SLC1A1: variants seen among roughly 807,000 people sequenced by gnomAD.
SLC1A1 encodes excitatory amino acid transporter 3.
Under a neutral mutation model 53.3 loss-of-function variants are expected in SLC1A1, and 43 were observed. The ratio of observed to expected loss-of-function variants is 0.81; its 90% CI spans 0.63 to 1.04. SLC1A1 has a LOEUF of 1.04. Among genes scored for constraint, SLC1A1 ranks in the 50% least tolerant of loss-of-function variants. SLC1A1 has a pLI of 0.00. For synonymous variants in SLC1A1, 307 were observed against 243.2 expected (o/e 1.26, Z -2.44); for missense variants, 748 against 664.9 (o/e 1.12, Z -1.37).
chr9:4,580,594 A>AAAT (rs1820971995), intron 10 of SLC1A1, among the ~76,000 whole-genome samples: 1 of 82,862 alleles, frequency 1.2e-5, no homozygotes, highest in African/African-American at 5.1e-5. Flanking sequence ...AAAAAAAAAA[A>AAAT]ATATATATGT....
At position 4,556,640 on chromosome 9, in the gene SLC1A1, T is replaced by G. The variant is rs1818419769; in HGVS notation, c.233-4809T>G. 6.6e-6 allele frequency among the ~76,000 whole-genome samples: 1 copy of G among 152,192 alleles called. No homozygotes were observed. The highest frequency in any genetic ancestry group is 1.5e-5 in the Non-Finnish European group (1 of 68,048). ...TTGTTTGGGACTAAGTTGGGCCTGA[T>G]CTTCGACGTCAACGCCAGTTAAGAG... On this transcript the variant is annotated intron_variant, in intron 2 of 11. Coordinates refer to ENST00000262352, the MANE Select transcript of SLC1A1 (RefSeq NM_004170.6). The surrounding 1 kb of genome is among the most constrained non-coding windows in gnomAD (Gnocchi z 4.1).
chr9:4,557,543 T>TATTGCTA (rs1818528702), intron 2 of SLC1A1, among the ~76,000 whole-genome samples: 1 of 151,904 alleles, frequency 6.6e-6, no homozygotes, highest in Admixed American at 6.6e-5. Context: ...CCTAGCAATT[T>TATTGCTA]GGGAGGCCGA....
At chr9:4,512,183 G>T (rs1488464634) in intron 1 of SLC1A1, among the ~76,000 whole-genome samples, 3 of 152,080 alleles carry the variant, frequency 2.0e-5, no homozygotes, top group Non-Finnish European at 4.4e-5. Context: ...ATCCCAGCAG[G>T]GATTTTTGTA....
In SLC1A1 at chr9:4,526,064, C is replaced by A. The variant is rs557483058; in HGVS notation, c.92-18503C>A. ...CTTTGGGAGGCCGAAGCAGGAGGGT[C>A]AGTTGAGGCCAAGAGTTTGAGACCA... On this transcript the variant is annotated intron_variant, in intron 1 of 11. Transcript: ENST00000262352. 2.0e-5 allele frequency among the ~76,000 whole-genome samples: 3 copies of A among 152,180 alleles called. No homozygotes were observed. The East Asian group carries it at 5.8e-4, about 29-fold the overall frequency.
intron 1 of SLC1A1, among the ~76,000 whole-genome samples, chr9:4,494,051 C>A (rs1820326471): frequency 3.9e-5 from 6 of 152,164 alleles, no homozygotes; most frequent in Admixed American, 3.9e-4. Context: ...CCTACATGGT[C>A]CTGAAAATAG....
chr9:4,564,418 C>G lies in SLC1A1; in HGVS notation c.400C>G (p.Pro134Ala). The G allele has an allele frequency of 6.2e-7, 1 of 1,613,640 alleles. No individual in the cohort carries two copies. The highest frequency in any genetic ancestry group is 8.5e-7 in the Non-Finnish European group (1 of 1,179,800). Reference sequence around the variant, plus strand: ...TGAAATTGCGAGGACAGGCAGCACCCCTGAAGTCAGTACGGTGGATGCCAT... The same window carrying G: ...TGAAATTGCGAGGACAGGCAGCACCGCTGAAGTCAGTACGGTGGATGCCAT... ...VGEIARTGSTPEVSTVDAMLD... is the reference protein window; with the variant it reads ...VGEIARTGSTAEVSTVDAMLD... The change falls in exon 4 of 12, where the codon CCT (proline) becomes GCT (alanine). Residue 134 changes from proline (P) to alanine (A), a missense_variant. Physicochemically the swap from Pro to Ala is conservative, Grantham distance 27. Transcript: ENST00000262352.
At chr9:4,503,568 G>A (rs774579143) in intron 1 of SLC1A1, among the ~76,000 whole-genome samples, 2 of 151,778 alleles carry the variant, frequency 1.3e-5, no homozygotes, top group Admixed American at 6.5e-5. Context: ...GCCTTGAGCA[G>A]GTGTGGTAGG....
chr9:4,544,887 T>C (rs926164312), intron 2 of SLC1A1, among the ~76,000 whole-genome samples, 180 bp downstream of exon 2: 1 of 152,024 alleles, frequency 6.6e-6, no homozygotes, highest in Non-Finnish European at 1.5e-5. Context: ...CAAGACAACC[T>C]CCTTCACAAG....
chr9:4,501,562 C>G (rs988024466), intron 1 of SLC1A1, among the ~76,000 whole-genome samples: 1 of 151,552 alleles, frequency 6.6e-6, no homozygotes, highest in African/African-American at 2.4e-5. Context: ...GTCAGGAGTT[C>G]AAGACCAGCC....
At chr9:4,505,865 C>G (rs1379167391) in intron 1 of SLC1A1, among the ~76,000 whole-genome samples, 1 of 152,100 alleles carries the variant, frequency 6.6e-6, no homozygotes, top group Non-Finnish European at 1.5e-5. Flanking sequence ...TCTCTGTCAC[C>G]CAGAATGGAG....
chr9:4,527,233 G>A (rs1816295388), intron 1 of SLC1A1, among the ~76,000 whole-genome samples: 2 of 152,142 alleles, frequency 1.3e-5, no homozygotes, highest in African/African-American at 4.8e-5. Flanking sequence ...CTAAGCTCCA[G>A]GAAGGAATAC....
At chr9:4,532,440 A>G (rs1047741632) in intron 1 of SLC1A1, among the ~76,000 whole-genome samples, 2 of 152,208 alleles carry the variant, frequency 1.3e-5, no homozygotes, top group South Asian at 2.1e-4. Flanking sequence ...AGCCGATTCA[A>G]TCAACTGGAA....
rs905178824 is a variant in SLC1A1, at chr9:4,556,050, A to T, written c.233-5399A>T. 5.3e-5 allele frequency among the ~76,000 whole-genome samples: 8 copies of T among 150,416 alleles called. No individual in the cohort carries two copies. The highest frequency in any genetic ancestry group is 1.7e-4 in the African/African-American group (7 of 40,800). ...GTTGCCCAGGCTGAAGTGCAGTGGC[A>T]TGATATCGGCTCACTGCAACCTCCA... On this transcript the variant is annotated intron_variant, in intron 2 of 11. Coordinates refer to ENST00000262352, the MANE Select transcript of SLC1A1 (RefSeq NM_004170.6). The surrounding 1 kb of genome is among the most constrained non-coding windows in gnomAD (Gnocchi z 4.1).
intron 1 of SLC1A1, among the ~76,000 whole-genome samples, chr9:4,509,769 G>T (rs1820935350): frequency 6.6e-6 from 1 of 152,158 alleles, no homozygotes; most frequent in Non-Finnish European, 1.5e-5. Context: ...GTGCCATGCT[G>T]AAAGGTTTTC....
chr9:4,512,328 C>T (rs1240073275), intron 1 of SLC1A1, among the ~76,000 whole-genome samples: 1 of 151,848 alleles, frequency 6.6e-6, no homozygotes, highest in African/African-American at 2.4e-5. Flanking sequence ...TCTTGGGCAA[C>T]GTGGCAAAAC....
chr9:4,518,718 T>C (rs1382400642), intron 1 of SLC1A1, among the ~76,000 whole-genome samples: 1 of 151,958 alleles, frequency 6.6e-6, no homozygotes, highest in Non-Finnish European at 1.5e-5. Flanking sequence ...GAGTGAAAAA[T>C]ATCAGGTCAC....
In SLC1A1 at chr9:4,576,549, T is replaced by C. The variant is rs1820563310; in HGVS notation, c.999-20T>C. 6.2e-7 allele frequency: 1 copy of C among 1,609,182 alleles called. No individual in the cohort carries two copies. The highest frequency in any genetic ancestry group is 8.5e-7 in the Non-Finnish European group (1 of 1,175,550). On this transcript the variant is annotated intron_variant, in intron 9 of 11. Coordinates refer to ENST00000262352, the MANE Select transcript of SLC1A1 (RefSeq NM_004170.6). The stretch of plus-strand genomic sequence containing the variant: ...TCCAGCATTTCTAGACATAAGTTCC[T>C]TTCTATTTTTATCACACAGTTCAGC...
rs768109452 is a variant in SLC1A1 at position 4,583,104 on chromosome 9, G to A, written c.1260G>A (p.Val420=). The change falls in exon 11 of 12, where the codon GTG becomes GTA. Residue 420 remains valine, a synonymous_variant. Coordinates refer to ENST00000262352, the MANE Select transcript of SLC1A1 (RefSeq NM_004170.6). The surrounding 1 kb of genome is among the most constrained non-coding windows in gnomAD (Gnocchi z 4.6). ...GVPQAGLVTM[V]IVLSAVGLPA... ...CCCAGGCTGGCCTGGTGACCATGGT[G>A]ATTGTGCTGAGTGCCGTGGGCCTGC... 10 of 1,614,234 alleles carry A rather than the reference G, an allele frequency of 6.2e-6. No individual in the cohort carries two copies. The South Asian group carries it at 8.8e-5, about 14-fold the overall frequency.
Position 4,501,504 on chromosome 9 carries a change from C to A in SLC1A1, c.91+10734C>A, listed in dbSNP as rs147308653. On this transcript the variant is annotated intron_variant, in intron 1 of 11. Coordinates refer to ENST00000262352, the MANE Select transcript of SLC1A1 (RefSeq NM_004170.6). ...ACTTTGGCCAGGTACGGTGCTCACG[C>A]CTGTAATCCCAGAACTTTGGGAGGC... Among the ~76,000 whole-genome samples, 413 of 151,772 alleles carry A rather than the reference C, an allele frequency of 2.7e-3. 18 individuals are homozygous for A. The highest frequency in any genetic ancestry group is 9.6e-3 in the African/African-American group (394 of 41,092).
Sources: allele counts gnomAD v4.1 joint callset (sites outside exome capture counted in the v4.1 genomes callset), GRCh38; gene constraint gnomAD v4.1.1; non-coding constraint Gnocchi (gnomAD v3.1); transcripts MANE v1.5; gene names NCBI Gene and HGNC (gene_info 2026-07-23, HGNC 2026-07-21).